TPST2: variants seen among roughly 807,000 people sequenced by gnomAD.
TPST2 encodes the protein tyrosylprotein sulfotransferase 2, also known as protein-tyrosine sulfotransferase 2.
TPST2 carries 16 observed loss-of-function variants against 27.8 expected under a neutral mutation model. The ratio of observed to expected loss-of-function variants is 0.58; its 90% confidence interval spans 0.39 to 0.88. The LOEUF is 0.88. Ranked by LOEUF, TPST2 falls within the 40% of genes least tolerant of loss-of-function variation. TPST2 has a pLI of 0.00. For missense variants in TPST2, 464 were observed against 543.1 expected (o/e 0.85, Z 1.45); for synonymous variants, 229 against 231.7 (o/e 0.99, Z 0.10).
At chr22:26,559,327 C>T (rs1818397629) in intron 1 of TPST2, among the ~76,000 whole-genome samples, 6 of 152,216 alleles carry the variant, frequency 3.9e-5, no homozygotes, top group Admixed American at 2.6e-4. Flanking sequence ...AATTGCGCCA[C>T]TGCGCTCCAG....
rs561823388 is a variant in TPST2 at position 26,573,735 on chromosome 22, A to G, written c.-161+16318T>C. On this transcript the variant is annotated intron_variant, in intron 1 of 6. Transcript: ENST00000338754. The stretch of plus-strand genomic sequence containing the variant: ...GGAAGCATGAGGCCTTCGTCCTGGT[A>G]ATATTTTGGGCATATTATTAGGGGC... 3.3e-5 allele frequency among the ~76,000 whole-genome samples: 5 copies of G among 152,218 alleles called. No homozygotes were observed. The South Asian group carries it at 1.0e-3, about 32-fold the overall frequency.
chr22:26,577,056 A>C (rs1927868927), intron 1 of TPST2, among the ~76,000 whole-genome samples: 1 of 148,236 alleles, frequency 6.7e-6, no homozygotes, highest in Non-Finnish European at 1.5e-5. Context: ...AGATTGCGCC[A>C]CTGCACTCCA....
At chr22:26,548,172 G>A (rs1926226336) in intron 1 of TPST2, among the ~76,000 whole-genome samples, 1 of 152,164 alleles carries the variant, frequency 6.6e-6, no homozygotes, top group African/African-American at 2.4e-5. Context: ...CCAACATGAT[G>A]CTCACAGAAA....
chr22:26,565,211 T>A (rs1483589048), intron 1 of TPST2: 1 of 152,334 alleles, frequency 6.6e-6, no homozygotes, highest in African/African-American at 2.4e-5. Context: ...CAGCAAGAGA[T>A]GAGGTTTCAA....
chr22:26,578,853 CTT>C (rs869169533), intron 1 of TPST2, among the ~76,000 whole-genome samples: 32 of 138,844 alleles, frequency 2.3e-4, no homozygotes, highest in Admixed American at 1.4e-4. Context: ...TTCTTTCTTT[CTT>C]TTTTTTTTTT....
rs67469484 is a variant in TPST2 at position 26,550,051 on chromosome 22, C to CAA, written c.-160-5378_-160-5377dup. 4.6e-3 allele frequency among the ~76,000 whole-genome samples: 663 copies of CAA among 144,932 alleles called. 9 individuals are homozygous for CAA. The highest frequency in any genetic ancestry group is 0.012 in the African/African-American group (474 of 39,622). ...CAAGACTCCATCTCAAAAAAAAAAA[C>CAA]AAAAAAAACAAATGGGCAGCAGGAG... is the stretch of plus-strand genomic sequence containing the variant. On this transcript the variant is annotated intron_variant, in intron 1 of 6. Transcript: ENST00000338754.
At chr22:26,558,056 T>C (rs1055472995) in intron 1 of TPST2, among the ~76,000 whole-genome samples, 1 of 146,834 alleles carries the variant, frequency 6.8e-6, no homozygotes, top group African/African-American at 2.5e-5. Context: ...CAAAAAAATA[T>C]ATATTTTATA....
chr22:26,556,502 T>C (rs1306624673), intron 1 of TPST2, among the ~76,000 whole-genome samples: 1 of 152,142 alleles, frequency 6.6e-6, no homozygotes. Flanking sequence ...ATCGCGTCAT[T>C]GCACCCTAGC....
chr22:26,572,918 G>A (rs1927686350), intron 1 of TPST2, among the ~76,000 whole-genome samples: 2 of 152,066 alleles, frequency 1.3e-5, no homozygotes, highest in African/African-American at 4.8e-5. Flanking sequence ...AAAAAAGAAT[G>A]CGTTTTGCAG....
At chr22:26,585,654 A>G (rs1407339246) in intron 1 of TPST2, among the ~76,000 whole-genome samples, 3 of 152,172 alleles carry the variant, frequency 2.0e-5, no homozygotes, top group Admixed American at 2.0e-4. Context: ...CACAAGCCAC[A>G]TGCATTTTTC....
intron 1 of TPST2, among the ~76,000 whole-genome samples, chr22:26,569,188 C>T (rs902678095): frequency 9.2e-5 from 14 of 152,266 alleles, no homozygotes; most frequent in East Asian, 1.9e-4. Flanking sequence ...TCTTGCACAA[C>T]GTCTAAGAAC....
intron 5 of TPST2, among the ~76,000 whole-genome samples, chr22:26,529,578 C>T (rs1925035792): frequency 6.6e-6 from 1 of 152,210 alleles, no homozygotes; most frequent in Admixed American, 6.5e-5. Context: ...ATGATGAAAT[C>T]TCTAAATGAC....
In TPST2 at chr22:26,525,968, T is replaced by G. The variant is rs922796603; in HGVS notation, c.*307A>C. The G allele has an allele frequency of 6.6e-6, 1 of 152,106 alleles. No individual in the cohort carries two copies. The highest frequency in any genetic ancestry group is 1.5e-5 in the Non-Finnish European group (1 of 68,018). The allele number at this position is 152,106 out of a possible 1,614,324, so 9.4% of individuals were successfully genotyped here. On this transcript the variant is annotated 3_prime_UTR_variant, in exon 7 of 7. Transcript: ENST00000338754. Reference sequence around the variant, plus strand: ...AAGCCACCAAGGCAGTCCTGCAAATTAAGGAGGATGGCAAATCTGTCTCTT... The same window carrying G: ...AAGCCACCAAGGCAGTCCTGCAAATGAAGGAGGATGGCAAATCTGTCTCTT...
intron 4 of TPST2, chr22:26,536,001 A>C: frequency 1.9e-6 from 1 of 522,752 alleles, no homozygotes; most frequent in Non-Finnish European, 3.7e-6. Context: ...TAGGGGTAAA[A>C]ATGTAAATAA....
At position 26,541,120 on chromosome 22, in the gene TPST2, G is replaced by A. The variant is rs750639533; in HGVS notation, c.511C>T (p.Arg171Cys). Residue 171 changes from arginine to cysteine, a missense_variant, in exon 3 of 7, where the codon CGC becomes TGC. Arg to Cys is a radical substitution (Grantham distance 180). Transcript: ENST00000338754. This position sits in a 1 kb window ranked among gnomAD's most constrained non-coding sequence, Gnocchi z 5.9. ...FTLKSSVYLSRLFPNSKFLLM... is the reference protein window; with the variant it reads ...FTLKSSVYLSCLFPNSKFLLM... ...AGGAACTTGGAGTTGGGGAACAGGC[G>A]CGACAGGTAGACCGAGGACTTGAGC... 9 of 1,607,984 alleles carry A rather than the reference G, an allele frequency of 5.6e-6. No homozygotes were observed. The highest frequency in any genetic ancestry group is 5.0e-5 in the Admixed American group (3 of 59,794).
At chr22:26,587,428 C>A (rs1928386398) in intron 1 of TPST2, among the ~76,000 whole-genome samples, 1 of 152,146 alleles carries the variant, frequency 6.6e-6, no homozygotes, top group African/African-American at 2.4e-5. Flanking sequence ...GCAACCTCTG[C>A]CTCCTGGGTT....
chr22:26,528,326 A>T, intron 5 of TPST2, 64 bp from the exon 6 acceptor site: 1 of 1,531,858 alleles, frequency 6.5e-7, no homozygotes, highest in South Asian at 1.2e-5. Flanking sequence ...TGCTGTATTG[A>T]GGGTCACCCC....
intron 1 of TPST2, among the ~76,000 whole-genome samples, chr22:26,577,251 CA>C (rs1391737680): frequency 7.7e-6 from 1 of 130,206 alleles, no homozygotes; most frequent in African/African-American, 2.9e-5. Context: ...GGTGACAGGG[CA>C]AAACCCTGTC....
Position 26,535,896 on chromosome 22 carries a change from A to G in TPST2, c.1041+392T>C, listed in dbSNP as rs565942733. On this transcript the variant is annotated intron_variant, in intron 4 of 6. Transcript: ENST00000338754. ...CTGAGAAATCCACATTAAACCTTAT[A>G]AGACAAGAAAGGGACCAATAGTTTA... 5 of 353,434 alleles carry G rather than the reference A, an allele frequency of 1.4e-5. No homozygotes were observed. In the East Asian group the frequency reaches 3.7e-4, roughly 26 times the overall value. 21.9% of individuals were successfully genotyped at this position (353,434 alleles called of 1,614,324 possible). A position where few individuals can be genotyped will look rare whatever the true frequency, so the allele number is the denominator to read the frequency against.
Sources: gnomAD v4.1 joint callset for allele counts (sites outside exome capture counted in the v4.1 genomes callset) on GRCh38, gnomAD v4.1.1 for gene constraint, Gnocchi (gnomAD v3.1) non-coding constraint, MANE v1.5 for transcripts, NCBI Gene and HGNC (gene_info 2026-07-23, HGNC 2026-07-21) for gene names.